The following RGS6 variants were observed in gnomAD, a reference collection of about 807,000 sequenced individuals.
RGS6 encodes the protein regulator of G-protein signaling 6.
A neutral mutation model predicts 78.5 loss-of-function variants in RGS6; 30 were observed. The ratio of observed to expected loss-of-function variants is 0.38; its 90% confidence interval spans 0.29 to 0.52. RGS6 has a LOEUF of 0.52. RGS6 is among the 20% of genes least tolerant of loss of function. RGS6 has a pLI of 0.85. For synonymous variants in RGS6, 206 were observed against 206.0 expected (o/e 1.00, Z 0.00); for missense variants, 495 against 609.7 (o/e 0.81, Z 1.98).
At chr14:72,194,114 G>A (rs1340420331) in intron 2 of RGS6, among the ~76,000 whole-genome samples, 5 of 152,160 alleles carry the variant, frequency 3.3e-5, no homozygotes, top group Non-Finnish European at 7.3e-5. Context: ...CTGGATTGGG[G>A]TGTTGGCAGT....
Position 72,415,836 on chromosome 14 carries a change from G to T in RGS6, c.185-38692G>T, listed in dbSNP as rs151221414. On this transcript the variant is annotated intron_variant, in intron 3 of 17. Transcript: ENST00000553525. ...TGTGCATTCATTTGATTGTACACTT[G>T]TATAAGAACTAAAAGCATAAAAAGT... Among the ~76,000 whole-genome samples, 525 of 152,238 alleles carry T rather than the reference G, an allele frequency of 3.4e-3. 5 individuals carry two copies. The highest frequency in any genetic ancestry group is 0.012 in the African/African-American group (503 of 41,532).
At chr14:72,515,216 C>G (rs1041466967) in intron 14 of RGS6, among the ~76,000 whole-genome samples, 1 of 151,824 alleles carries the variant, frequency 6.6e-6, no homozygotes, top group East Asian at 1.9e-4. Context: ...TACCTTCCCC[C>G]TCTCCCTTCT....
intron 2 of RGS6, among the ~76,000 whole-genome samples, chr14:72,254,351 A>G (rs1162933789): frequency 6.6e-6 from 1 of 152,154 alleles, no homozygotes; most frequent in Non-Finnish European, 1.5e-5. Context: ...ATCACTTTAT[A>G]TCACCAGCCT....
intron 3 of RGS6, among the ~76,000 whole-genome samples, chr14:72,371,946 C>T (rs191632666): frequency 2.6e-5 from 4 of 152,212 alleles, no homozygotes; most frequent in East Asian, 3.9e-4. Context: ...TATCATCGGT[C>T]GCAGCATGGA....
At chr14:72,602,211 C>G in the RGS6 span, among the ~76,000 whole-genome samples, 3 of 152,202 alleles carry the variant, frequency 2.0e-5, no homozygotes, top group Non-Finnish European at 4.4e-5. Flanking sequence ...GTTCTGCCAC[C>G]TAAGTTTCTT....
chr14:72,472,697 G>T (rs1198982957), intron 8 of RGS6, among the ~76,000 whole-genome samples, 175 bp from the exon 9 acceptor site: 1 of 151,154 alleles, frequency 6.6e-6, no homozygotes, highest in East Asian at 1.9e-4. Flanking sequence ...TGAGGTTTTC[G>T]GGGGGGGAAT....
chr14:72,276,262 C>T (rs1189577204), intron 2 of RGS6, among the ~76,000 whole-genome samples: 1 of 152,128 alleles, frequency 6.6e-6, no homozygotes, highest in Non-Finnish European at 1.5e-5. Flanking sequence ...ATCCAAGCAG[C>T]CAACTTTTTA....
intron 2 of RGS6, among the ~76,000 whole-genome samples, chr14:72,186,244 G>A (rs944224888): frequency 1.3e-5 from 2 of 152,186 alleles, no homozygotes; most frequent in African/African-American, 4.8e-5. Context: ...TCTCAATGTA[G>A]ACAAAATCTG....
chr14:71,947,019 G>T (rs1311295414), intron 1 of RGS6, among the ~76,000 whole-genome samples: 1 of 152,184 alleles, frequency 6.6e-6, no homozygotes, highest in African/African-American at 2.4e-5. Context: ...GTGCCACAGT[G>T]AATTTCCAGT....
the RGS6 span, among the ~76,000 whole-genome samples, chr14:71,896,131 G>A: frequency 6.6e-6 from 1 of 152,120 alleles, no homozygotes; most frequent in Non-Finnish European, 1.5e-5. Flanking sequence ...TTACAGGAAA[G>A]GGGTCCAGAT....
intron 2 of RGS6, among the ~76,000 whole-genome samples, chr14:72,334,346 G>A (rs1028980769): frequency 2.0e-5 from 3 of 152,272 alleles, no homozygotes; most frequent in East Asian, 1.9e-4. Context: ...TATATGTCTC[G>A]TTTGACGCCT....
chr14:72,129,135 G>A (rs1341552739), intron 2 of RGS6, among the ~76,000 whole-genome samples: 1 of 152,196 alleles, frequency 6.6e-6, no homozygotes, highest in Non-Finnish European at 1.5e-5. Flanking sequence ...GTTGGGCTGA[G>A]AAAACTGCGT....
intron 16 of RGS6, chr14:72,537,600 G>A: frequency 1.4e-6 from 1 of 702,124 alleles, no homozygotes; most frequent in South Asian, 1.5e-5. Context: ...GGGCTCCTTT[G>A]GAGGAGGCCG....
chr14:71,993,539 C>T (rs1353733865), intron 2 of RGS6, among the ~76,000 whole-genome samples: 1 of 152,044 alleles, frequency 6.6e-6, no homozygotes, highest in Non-Finnish European at 1.5e-5. Context: ...TGTTGTTATC[C>T]TTACTTTATA....
the RGS6 span, among the ~76,000 whole-genome samples, chr14:71,925,081 G>A: frequency 1.3e-5 from 2 of 152,048 alleles, no homozygotes; most frequent in African/African-American, 4.8e-5. Context: ...CACTTGTTAT[G>A]TTTTGTCTTT....
intron 2 of RGS6, among the ~76,000 whole-genome samples, chr14:72,171,562 A>C (rs1200501391): frequency 1.3e-5 from 2 of 152,142 alleles, no homozygotes; most frequent in Non-Finnish European, 2.9e-5. Context: ...AAATATCTTG[A>C]GGGTGATCTG....
intron 2 of RGS6, among the ~76,000 whole-genome samples, chr14:72,254,837 C>T (rs1354803067): frequency 6.6e-6 from 1 of 152,196 alleles, no homozygotes; most frequent in African/African-American, 2.4e-5. Context: ...TCATTAGCAC[C>T]ATAGCAGTGG....
intron 2 of RGS6, among the ~76,000 whole-genome samples, chr14:72,331,428 A>G (rs2075007569): frequency 1.3e-5 from 2 of 152,196 alleles, no homozygotes; most frequent in African/African-American, 2.4e-5. Context: ...GGAATGCCCA[A>G]CGAAGTTTTT....
chr14:72,079,180 T>C (rs1009725701), intron 2 of RGS6, among the ~76,000 whole-genome samples: 41 of 150,150 alleles, frequency 2.7e-4, no homozygotes, highest in African/African-American at 5.4e-4. Context: ...CTTTTTTTTT[T>C]CCCCCTATTT....
Sources: gnomAD v4.1 joint callset for allele counts (sites outside exome capture counted in the v4.1 genomes callset) on GRCh38, gnomAD v4.1.1 for gene constraint, MANE v1.5 for transcripts, NCBI Gene and HGNC (gene_info 2026-07-23, HGNC 2026-07-21) for gene names.